Variants in SLC9A4 observed in about 807,000 individuals in gnomAD.
SLC9A4 encodes the protein solute carrier family 9 member A4, also known as sodium/hydrogen exchanger 4.
SLC9A4 carries 63 observed loss-of-function variants against 67.4 expected under a neutral mutation model. The observed-to-expected ratio is 0.93, with a 90% CI of 0.76 to 1.15. The LOEUF is 1.15. SLC9A4 is among the 50% of genes most tolerant of loss of function. The pLI is 0.00. For missense variants in SLC9A4, 1,089 were observed against 987.7 expected, an observed-to-expected ratio of 1.10 and a Z score of -1.38; for synonymous variants, 393 against 367.2, an observed-to-expected ratio of 1.07 and a Z score of -0.80.
chr2:102,503,282 A>T (rs1684980217), intron 2 of SLC9A4, among the ~76,000 whole-genome samples, 166 bp from the exon 3 acceptor site: 1 of 152,352 alleles, frequency 6.6e-6, no homozygotes, highest in South Asian at 2.1e-4. Context: ...AACTGTGTAC[A>T]TCTAAATTAT....
At position 102,505,444 on chromosome 2, in the gene SLC9A4, G is replaced by A. The variant is rs944453565; in HGVS notation, c.1171G>A (p.Ala391Thr). Residue 391 changes from alanine (A) to threonine (T), a missense_variant, in exon 4 of 12, where the codon GCC becomes ACC. Physicochemically the swap from Ala to Thr is moderately conservative, Grantham distance 58 (BLOSUM62 0). Coordinates refer to ENST00000295269, the MANE Select transcript of SLC9A4 (RefSeq NM_001011552.4). The part of the protein sequence containing the change: ...WNWAFICFTL[A>T]FCQIWRAISV... ...CTGGGCCTTCATCTGCTTCACCCTG[G>A]CCTTCTGCCAAATCTGGAGAGCCAT... 1 of 1,614,088 alleles carries A rather than the reference G, an allele frequency of 6.2e-7. No homozygotes were observed. The highest frequency in any genetic ancestry group is 1.1e-5 in the South Asian group (1 of 91,082).
chr2:102,519,725 A>C, intron 8 of SLC9A4, 134 bp from the exon 9 acceptor site: 1 of 702,658 alleles, frequency 1.4e-6, no homozygotes, highest in East Asian at 3.1e-5. Context: ...TTACTAGAAC[A>C]ATAGGAAAAA....
intron 10 of SLC9A4, 97 bp downstream of exon 10, chr2:102,525,252 C>G: frequency 6.5e-7 from 1 of 1,546,398 alleles, no homozygotes; most frequent in Non-Finnish European, 8.8e-7. Context: ...GCATGACCAT[C>G]GATGCTTAAA....
At chr2:102,531,258 G>A (rs1276053829) in intron 11 of SLC9A4, among the ~76,000 whole-genome samples, 2 of 151,942 alleles carry the variant, frequency 1.3e-5, no homozygotes, top group East Asian at 3.9e-4. Context: ...TAAATTCTTA[G>A]GAGAATTTTT....
At chr2:102,529,654 C>G (rs752444646) in intron 11 of SLC9A4, among the ~76,000 whole-genome samples, 2 of 152,312 alleles carry the variant, frequency 1.3e-5, no homozygotes, top group African/African-American at 4.8e-5. Context: ...CTCTCCAAAC[C>G]CAAAGTCTTT....
At chr2:102,501,959 C>A (rs547550301) in intron 2 of SLC9A4, among the ~76,000 whole-genome samples, 220 of 152,162 alleles carry the variant, frequency 1.4e-3, no homozygotes, top group African/African-American at 4.8e-3. Flanking sequence ...GAGGGGGCAT[C>A]ATCAGTTCTA....
intron 2 of SLC9A4, among the ~76,000 whole-genome samples, chr2:102,501,367 C>T (rs1684936985): frequency 6.6e-6 from 1 of 152,052 alleles, no homozygotes; most frequent in Non-Finnish European, 1.5e-5. Context: ...GCAATCTGCC[C>T]ACCTCGGCCT....
chr2:102,503,836 T>A (rs2104433043), intron 3 of SLC9A4, 129 bp downstream of exon 3: 9 of 1,304,530 alleles, frequency 6.9e-6, no homozygotes, highest in African/African-American at 1.5e-5. Context: ...AGATTTAGGA[T>A]CTTCTAAACT....
chr2:102,481,611 GA>G (rs1456542424), intron 2 of SLC9A4, among the ~76,000 whole-genome samples: 4 of 151,936 alleles, frequency 2.6e-5, no homozygotes. Flanking sequence ...TTAAAAAAAA[GA>G]TTTATAGGAA....
chr2:102,498,754 T>A (rs1684861638), intron 2 of SLC9A4, among the ~76,000 whole-genome samples: 1 of 152,190 alleles, frequency 6.6e-6, no homozygotes, highest in Non-Finnish European at 1.5e-5. Context: ...TATGTCACAT[T>A]TTTTTTCAAA....
In SLC9A4 at chr2:102,478,834, T is replaced by A; in HGVS notation, c.257-5T>A. 1 of 1,612,950 alleles carries A rather than the reference T, an allele frequency of 6.2e-7. No homozygotes were observed. Among genetic ancestry groups the A allele is most frequent in the Non-Finnish European group, 8.5e-7 (1 of 1,179,310 alleles). ...AGCACCTAACTGCTCTTCGCTGTTC[T>A]GCAGGCTTCCACCTCTACCACAGGC... On this transcript the variant is annotated splice_region_variant and splice_polypyrimidine_tract_variant and intron_variant, in intron 1 of 11. Transcript: ENST00000295269.
chr2:102,518,658 A>G (rs1172543308), intron 8 of SLC9A4, among the ~76,000 whole-genome samples: 2 of 152,188 alleles, frequency 1.3e-5, no homozygotes, highest in African/African-American at 4.8e-5. Context: ...AATATCTTTT[A>G]TCAAATGTAC....
At chr2:102,510,263 A>ATACAGT (rs1685137167) in intron 6 of SLC9A4, among the ~76,000 whole-genome samples, 1 of 148,440 alleles carries the variant, frequency 6.7e-6, no homozygotes, top group African/African-American at 2.6e-5. Flanking sequence ...ACAGATACAG[A>ATACAGT]TACAGATACA....
chr2:102,488,976 G>A (rs879608182), intron 2 of SLC9A4, among the ~76,000 whole-genome samples: 2 of 152,150 alleles, frequency 1.3e-5, no homozygotes, highest in African/African-American at 2.4e-5. Flanking sequence ...CTACTACTTA[G>A]GGTCAGACAC....
At chr2:102,510,892 A>G (rs143073305) in intron 6 of SLC9A4, among the ~76,000 whole-genome samples, 2 of 152,350 alleles carry the variant, frequency 1.3e-5, no homozygotes, top group African/African-American at 4.8e-5. Context: ...AAGGGATACC[A>G]CTGTGTACAG....
intron 6 of SLC9A4, 26 bp from the exon 7 acceptor site, chr2:102,512,177 A>G: frequency 6.2e-7 from 1 of 1,613,714 alleles, no homozygotes; most frequent in Non-Finnish European, 8.5e-7. Context: ...TTCTCCAGCA[A>G]TCATTTTCTT....
intron 9 of SLC9A4, among the ~76,000 whole-genome samples, chr2:102,524,145 A>G (rs1674610038): frequency 3.3e-5 from 5 of 152,172 alleles, no homozygotes; most frequent in Admixed American, 2.0e-4. Flanking sequence ...CATTTTCTCT[A>G]TTGAAGTGAA....
In SLC9A4 at chr2:102,514,152, C is replaced by A; in HGVS notation, c.1622C>A (p.Ser541Ter). The change falls in exon 8 of 12, where the codon TCA becomes TAA. Residue 541 changes from serine to a stop codon, truncating the protein, a stop_gained. Transcript: ENST00000295269. LOFTEE classifies it high-confidence loss of function. The stretch of plus-strand genomic sequence containing the variant: ...CTCATCAGAAAGAACCTACCCAAAT[C>A]AAGCATTGTTTCTTTGTACAAGAAG... ...KILIRKNLPK[S>*]SIVSLYKKLE... is the part of the protein sequence containing the mutation. The A allele has an allele frequency of 6.2e-7, 1 of 1,614,060 alleles. No individual in the cohort carries two copies. Among genetic ancestry groups the A allele is most frequent in the Non-Finnish European group, 8.5e-7 (1 of 1,179,992 alleles).
intron 7 of SLC9A4, 44 bp downstream of exon 7, chr2:102,512,317 T>C (rs1007526407): frequency 8.2e-6 from 13 of 1,592,314 alleles, no homozygotes; most frequent in Non-Finnish European, 1.1e-5. Context: ...CTTCTAAAGG[T>C]TCCATTGGAA....
Sources: allele counts gnomAD v4.1 joint callset (sites outside exome capture counted in the v4.1 genomes callset), GRCh38; gene constraint gnomAD v4.1.1; transcripts MANE v1.5; gene names NCBI Gene and HGNC (gene_info 2026-07-23, HGNC 2026-07-21).